HPS4: variants seen among roughly 807,000 people sequenced by gnomAD.
The protein encoded by HPS4 is HPS4 biogenesis of lysosomal organelles complex 3 subunit 2, also known as BLOC-3 complex member HPS4.
In HPS4, 44 loss-of-function variants were observed where a neutral mutation model predicts 70.3. That is an observed-to-expected ratio of 0.63 (90% confidence interval 0.49 to 0.80). The LOEUF (loss-of-function observed/expected upper bound fraction) is 0.80. Ranked by LOEUF, HPS4 falls within the 30% of genes least tolerant of loss-of-function variation. The probability of loss-of-function intolerance (pLI) is 0.00; values close to 1 mark genes in which losing one functional copy is unlikely to be tolerated. For synonymous variants in HPS4, 377 were observed against 355.9 expected (o/e 1.06, Z -0.67); for missense variants, 873 against 884.4 (o/e 0.99, Z 0.16).
chr22:26,452,506 C>T lies in HPS4; in HGVS notation c.*727G>A, dbSNP rs749384453. ...ACGGCCCACTTGTAGTCAAAGGCAG[C>T]GCAGGTTGGTCCTGTTGTCACTGAA... is the stretch of plus-strand genomic sequence containing the variant. On this transcript the variant is annotated 3_prime_UTR_variant, in exon 14 of 14. Transcript: ENST00000398145. The T allele has an allele frequency of 2.6e-6, 1 of 380,286 alleles. No individual in the cohort carries two copies. The highest frequency in any genetic ancestry group is 5.2e-6 in the Non-Finnish European group (1 of 193,434). The allele number at this position is 380,286 out of a possible 1,614,324, so 23.6% of individuals were successfully genotyped here. A position where few individuals can be genotyped will look rare whatever the true frequency, so the allele number is the denominator to read the frequency against.
intron 13 of HPS4, among the ~76,000 whole-genome samples, chr22:26,457,210 C>CTTTTTTTTTTTTTTTTTTTTTTTT (rs1555889771): frequency 3.9e-5 from 1 of 25,554 alleles, no homozygotes; most frequent in African/African-American, 7.5e-5. Flanking sequence ...GCACGTATTA[C>CTTTTTTTTTTTTTTTTTTTTTTTT]TTTTTTTTTT....
Position 26,458,548 on chromosome 22 carries a change from C to A in HPS4, c.1743G>T (p.Gly581=). Residue 581 remains glycine, a synonymous_variant, in exon 12 of 14, where the codon GGG becomes GGT. Transcript: ENST00000398145. ...GCGTCTCTTTCAGGTGGACTTCCAGCCCATTCAGTGAAGCCAGGCTGCTGT... is the reference window on the plus strand; with the variant it reads ...GCGTCTCTTTCAGGTGGACTTCCAGACCATTCAGTGAAGCCAGGCTGCTGT... ...VYHSSLASLN[G]LEVHLKETLP... 1 of 1,614,144 alleles carries A rather than the reference C, an allele frequency of 6.2e-7. No homozygotes were observed. Among genetic ancestry groups the A allele is most frequent in the South Asian group, 1.1e-5 (1 of 91,086 alleles).
At position 26,456,866 on chromosome 22, in the gene HPS4, C is replaced by CAT. The variant is rs556289576; in HGVS notation, c.1955+991_1955+992dup. Reference sequence around the variant, plus strand: ...TCCCTTTCTGGTTTCATAAGAGAAGCATATAGAAAGAAAAAAACAAATTCG... The same window carrying CAT: ...TCCCTTTCTGGTTTCATAAGAGAAGCATATATAGAAAGAAAAAAACAAATTCG... On this transcript the variant is annotated intron_variant, in intron 13 of 13. Coordinates refer to ENST00000398145, the MANE Select transcript of HPS4 (RefSeq NM_022081.6). 1.8e-3 allele frequency among the ~76,000 whole-genome samples: 281 copies of CAT among 151,908 alleles called. 3 individuals carry two copies. The highest frequency in any genetic ancestry group is 6.5e-3 in the African/African-American group (269 of 41,390).
At chr22:26,459,995 A>G (rs2086914325) in intron 11 of HPS4, among the ~76,000 whole-genome samples, 1 of 152,264 alleles carries the variant, frequency 6.6e-6, no homozygotes, top group South Asian at 2.1e-4. Context: ...AGTAAATGTC[A>G]TGAAGCTTAC....
chr22:26,471,847 G>A (rs369844107), intron 6 of HPS4, among the ~76,000 whole-genome samples: 18 of 152,168 alleles, frequency 1.2e-4, no homozygotes, highest in East Asian at 5.8e-4. Context: ...AGTGCCAACC[G>A]CAAACGGAGC....
At chr22:26,480,337 A>T (rs575248703) in intron 2 of HPS4, among the ~76,000 whole-genome samples, 1 of 151,166 alleles carries the variant, frequency 6.6e-6, no homozygotes, top group African/African-American at 2.4e-5. Flanking sequence ...ATGCTCGGCT[A>T]TTTTTTTTTA....
At chr22:26,447,136 C>T (rs2084979101), downstream of HPS4, among the ~76,000 whole-genome samples, 1 of 152,222 alleles carries the variant, frequency 6.6e-6, no homozygotes, top group Non-Finnish European at 1.5e-5. Context: ...TGATCCAGAT[C>T]TGACCAATCA....
At position 26,445,084 on chromosome 22, in the gene HPS4, C is replaced by T. The variant is rs2084908440; in HGVS notation, n.519-390G>A. 3 of 152,416 alleles carry T rather than the reference C, an allele frequency of 2.0e-5. No homozygotes were observed. In the South Asian group the frequency reaches 6.2e-4, roughly 32 times the overall value. The allele number at this position is 152,416 out of a possible 1,614,324, so 9.4% of individuals were successfully genotyped here. ...GGCTCGGTGGCTCACGCCTGTAATC[C>T]TAGCACTTTGGGAAGCTGAGCGGGG... On this transcript the variant is annotated intron_variant and non_coding_transcript_variant, in intron 3 of 3. Coordinates refer to the HPS4 transcript ENST00000493455.
At chr22:26,483,346 G>A (rs1389417722) in intron 1 of HPS4, among the ~76,000 whole-genome samples, 2 of 152,254 alleles carry the variant, frequency 1.3e-5, no homozygotes, top group African/African-American at 4.8e-5. Context: ...GTCGGAACAT[G>A]AGCAGAAAAG....
chr22:26,459,637 C>T (rs1445837547), intron 11 of HPS4, among the ~76,000 whole-genome samples: 1 of 152,194 alleles, frequency 6.6e-6, no homozygotes, highest in Non-Finnish European at 1.5e-5. Context: ...CAAACATTTG[C>T]AGTTCCCAGG....
chr22:26,466,005 G>A (rs1312934485), intron 9 of HPS4: 2 of 1,438,200 alleles, frequency 1.4e-6, no homozygotes, highest in Non-Finnish European at 1.9e-6. Flanking sequence ...GTTAAGGAGG[G>A]TCTGAAAGCA....
At chr22:26,449,318 C>T (rs2085059784), downstream of HPS4, among the ~76,000 whole-genome samples, 2 of 150,118 alleles carry the variant, frequency 1.3e-5, no homozygotes, top group Non-Finnish European at 3.0e-5. Context: ...CAGTCACTCC[C>T]CTGCATTTTT....
intron 3 of HPS4, 55 bp downstream of exon 3, chr22:26,479,210 C>CACCA (rs1237176245): frequency 6.3e-7 from 1 of 1,581,450 alleles, no homozygotes; most frequent in Admixed American, 1.7e-5. Flanking sequence ...TTTGAAAAGT[C>CACCA]ACCACTTGGA....
At chr22:26,479,716 A>T in intron 2 of HPS4, 1 of 1,081,154 alleles carries the variant, frequency 9.2e-7, no homozygotes, top group African/African-American at 1.7e-5. Flanking sequence ...ATAACAAAAT[A>T]AGTTAGGGAT....
Position 26,477,132 on chromosome 22 carries a change from A to G in HPS4, c.137T>C (p.Leu46Pro), listed in dbSNP as rs35080023. 3.4e-5 allele frequency: 55 copies of G among 1,614,212 alleles called. No individual in the cohort carries two copies. In the African/African-American group the frequency reaches 6.9e-4, roughly 20 times the overall value. The change falls in exon 4 of 14, where the codon CTG (leucine) becomes CCG (proline). Residue 46 changes from leucine (L) to proline (P), a missense_variant. By Grantham distance (98) the Leu-to-Pro change is moderately conservative (BLOSUM62 -3). Coordinates refer to ENST00000398145, the MANE Select transcript of HPS4 (RefSeq NM_022081.6). ...GICYFYPSQT[L>P]LDQQELLCGQ... ...ACAAAGCAACTCCTGTTGGTCTAGC[A>G]GGGTCTGTGGGAAAGGAGCACATTC...
At chr22:26,477,982 T>G (rs1378554762) in intron 3 of HPS4, among the ~76,000 whole-genome samples, 1 of 151,926 alleles carries the variant, frequency 6.6e-6, no homozygotes, top group East Asian at 1.9e-4. Flanking sequence ...GGATCCTTAT[T>G]AGGAAAAAGA....
chr22:26,473,244 C>T (rs1285888852), intron 4 of HPS4, among the ~76,000 whole-genome samples: 10 of 152,154 alleles, frequency 6.6e-5, no homozygotes, highest in African/African-American at 2.2e-4. Context: ...TCTATTACCT[C>T]GAGCCAATAA....
intron 6 of HPS4, 68 bp from the exon 7 acceptor site, chr22:26,470,881 A>G (rs2089688640): frequency 6.3e-7 from 1 of 1,598,382 alleles, no homozygotes; most frequent in East Asian, 2.3e-5. Flanking sequence ...AGAAAAGGGG[A>G]AAGGGTTGTA....
At chr22:26,466,351 T>C (rs780625669) in intron 8 of HPS4, 89 bp from the exon 9 acceptor site, 2 of 1,459,360 alleles carry the variant, frequency 1.4e-6, no homozygotes, top group African/African-American at 1.4e-5. Flanking sequence ...CATCTGTTCA[T>C]AAAACTTAGC....
Sources: gnomAD v4.1 joint callset for allele counts (sites outside exome capture counted in the v4.1 genomes callset) on GRCh38, gnomAD v4.1.1 for gene constraint, MANE v1.5 for transcripts, NCBI Gene and HGNC (gene_info 2026-07-23, HGNC 2026-07-21) for gene names.